FAM185A: variants seen among roughly 807,000 people sequenced by gnomAD.
FAM185A encodes protein FAM185A.
A neutral mutation model predicts 45.7 loss-of-function variants in FAM185A; 21 were observed. The ratio of observed to expected loss-of-function variants is 0.46; its 90% confidence interval spans 0.33 to 0.66. The LOEUF (loss-of-function observed/expected upper bound fraction) is 0.66, where lower values mean the gene tolerates loss of function less well. FAM185A is among the 30% of genes least tolerant of loss of function. The probability of loss-of-function intolerance (pLI) is 0.03; values close to 1 mark genes in which losing one functional copy is unlikely to be tolerated. For synonymous variants in FAM185A, 117 were observed against 194.0 expected, an observed-to-expected ratio of 0.60 and a Z score of 3.30; for missense variants, 305 against 485.4, an observed-to-expected ratio of 0.63 and a Z score of 3.49.
the FAM185A span, chr7:102,833,064 TC>T: frequency 7.4e-7 from 1 of 1,353,770 alleles, no homozygotes; most frequent in East Asian, 2.4e-5. Context: ...TACATTTCAG[TC>T]CCTGAAATAC....
At chr7:102,820,755 C>A in the FAM185A span, among the ~76,000 whole-genome samples, 1 of 152,174 alleles carries the variant, frequency 6.6e-6, no homozygotes, top group African/African-American at 2.4e-5. Flanking sequence ...TATCAGGAAC[C>A]CACTCCCATG....
At chr7:102,777,933 T>A in intron 6 of FAM185A, among the ~76,000 whole-genome samples, 1 of 152,230 alleles carries the variant, frequency 6.6e-6, no homozygotes, top group Non-Finnish European at 1.5e-5. Flanking sequence ...GAAAGCTAAA[T>A]ATGAATTTGT....
intron 4 of FAM185A, among the ~76,000 whole-genome samples, chr7:102,766,147 A>G (rs1794382263): frequency 6.6e-6 from 1 of 152,292 alleles, no homozygotes; most frequent in Admixed American, 6.5e-5. Flanking sequence ...ATAACCCATG[A>G]TTTAAACAAA....
intron 2 of FAM185A, among the ~76,000 whole-genome samples, chr7:102,752,588 T>C (rs1793436383): frequency 6.6e-6 from 1 of 151,772 alleles, no homozygotes. Flanking sequence ...TTTTTTTTTT[T>C]TTTTTTAGTG....
chr7:102,834,100 A>AG, the FAM185A span, among the ~76,000 whole-genome samples: 1 of 105,736 alleles, frequency 9.5e-6, no homozygotes, highest in African/African-American at 4.4e-5. Flanking sequence ...GAAAGAAAGA[A>AG]AGAAAGAAAG....
chr7:102,789,997 G>A (rs148524361), intron 7 of FAM185A, among the ~76,000 whole-genome samples: 7,211 of 152,064 alleles, frequency 0.047, 242 homozygotes, highest in East Asian at 0.13. Context: ...AATAACACAC[G>A]TGGAGCTGTC....
intron 5 of FAM185A, among the ~76,000 whole-genome samples, chr7:102,773,375 C>T (rs1794871211): frequency 6.6e-6 from 1 of 151,996 alleles, no homozygotes; most frequent in Non-Finnish European, 1.5e-5. Flanking sequence ...AAAGAACAAC[C>T]TAGCTGTTAT....
In FAM185A at chr7:102,787,322, A is replaced by G. The variant is rs1336139940; in HGVS notation, c.932-13A>G. On this transcript the variant is annotated splice_polypyrimidine_tract_variant and intron_variant, in intron 6 of 7. Coordinates refer to ENST00000413034, the MANE Select transcript of FAM185A (RefSeq NM_001145268.2). ...TCTTTATATTACTAAGCTCTCCATT[A>G]TATTTATTACAGGTTCTATTATTGT... The G allele has an allele frequency of 2.1e-6, 3 of 1,412,784 alleles. No homozygotes were observed. The highest frequency in any genetic ancestry group is 2.8e-6 in the Non-Finnish European group (3 of 1,069,270). 87.5% of individuals were successfully genotyped at this position (1,412,784 alleles called of 1,614,324 possible).
the FAM185A span, among the ~76,000 whole-genome samples, chr7:102,824,766 G>A: frequency 6.7e-6 from 1 of 150,322 alleles, no homozygotes; most frequent in South Asian, 2.1e-4. Context: ...GATTACAGGC[G>A]TGAGCCACCA....
At chr7:102,771,769 C>T (rs28699189) in intron 4 of FAM185A, among the ~76,000 whole-genome samples, 2,309 of 152,254 alleles carry the variant, frequency 0.015, 66 homozygotes, top group African/African-American at 0.053. Flanking sequence ...AATAATCCTA[C>T]TACTTTTGGT....
chr7:102,813,764 G>A (rs1469399313), downstream of FAM185A, among the ~76,000 whole-genome samples: 2 of 152,152 alleles, frequency 1.3e-5, no homozygotes, highest in African/African-American at 2.4e-5. Flanking sequence ...CAGTGAATGG[G>A]TAAGGAAACT....
the FAM185A span, among the ~76,000 whole-genome samples, chr7:102,814,720 T>A: frequency 1.3e-5 from 2 of 152,234 alleles, no homozygotes; most frequent in African/African-American, 4.8e-5. Context: ...GGACTAAAAC[T>A]TGGCAAACAA....
intron 7 of FAM185A, among the ~76,000 whole-genome samples, chr7:102,805,923 A>T (rs1797084684): frequency 6.6e-6 from 1 of 152,174 alleles, no homozygotes; most frequent in African/African-American, 2.4e-5. Flanking sequence ...GTTCTGGCTC[A>T]TGGGTGTGAC....
At chr7:102,768,731 G>T (rs117785145) in intron 4 of FAM185A, among the ~76,000 whole-genome samples, 1,871 of 152,070 alleles carry the variant, frequency 0.012, 19 homozygotes, top group Middle Eastern at 0.034. Context: ...AGAATGAAAG[G>T]TTACAAGCTA....
At chr7:102,832,978 CA>C in the FAM185A span, 1 of 1,613,652 alleles carries the variant, frequency 6.2e-7, no homozygotes. Flanking sequence ...AGAATGCCTG[CA>C]AAAAATTCCA....
At chr7:102,806,211 T>C (rs1418617529) in intron 7 of FAM185A, among the ~76,000 whole-genome samples, 1 of 152,174 alleles carries the variant, frequency 6.6e-6, no homozygotes, top group Non-Finnish European at 1.5e-5. Context: ...TGAGACGTAG[T>C]TTCATCCTTG....
chr7:102,848,555 CAAAAAAAAAAAAAAAAAAAAAAAAAAA>C, the FAM185A span, among the ~76,000 whole-genome samples: 19 of 1,826 alleles, frequency 0.01, no homozygotes, highest in Non-Finnish European at 0.017. Context: ...GACTCCGTCT[CAAAAAAAAAAAAAAAAAAAAAAAAAAA>C]AAAAAAAAAA....
the FAM185A span, chr7:102,822,219 A>G: frequency 6.2e-7 from 1 of 1,613,296 alleles, no homozygotes; most frequent in Non-Finnish European, 8.5e-7. Flanking sequence ...CACAGAGCCA[A>G]AGTAAGTACT....
At chr7:102,827,934 T>C in the FAM185A span, among the ~76,000 whole-genome samples, 1 of 152,192 alleles carries the variant, frequency 6.6e-6, no homozygotes, top group African/African-American at 2.4e-5. Context: ...TCTGTTCCAT[T>C]GGTCTATATC....
Sources: allele counts gnomAD v4.1 joint callset (sites outside exome capture counted in the v4.1 genomes callset), GRCh38; gene constraint gnomAD v4.1.1; transcripts MANE v1.5; gene names NCBI Gene and HGNC (gene_info 2026-07-23, HGNC 2026-07-21).